The following KHDRBS3 variants were observed in gnomAD, a reference collection of about 807,000 sequenced individuals.
KHDRBS3 encodes the protein KH domain-containing, RNA-binding, signal transduction-associated protein 3.
A neutral mutation model predicts 45.6 loss-of-function variants in KHDRBS3; 23 were observed. That is an observed-to-expected ratio of 0.50 (90% CI 0.36 to 0.72). KHDRBS3 has a LOEUF of 0.72. KHDRBS3 is among the 30% of genes least tolerant of loss of function. The probability of loss-of-function intolerance (pLI) is 0.00; values close to 1 mark genes in which losing one functional copy is unlikely to be tolerated. For synonymous variants in KHDRBS3, 162 were observed against 156.5 expected, an observed-to-expected ratio of 1.04 and a Z score of -0.26; for missense variants, 352 against 424.8, an observed-to-expected ratio of 0.83 and a Z score of 1.51.
At chr8:135,489,901 G>T (rs756837399) in intron 1 of KHDRBS3, among the ~76,000 whole-genome samples, 28 of 152,132 alleles carry the variant, frequency 1.8e-4, no homozygotes, top group Non-Finnish European at 2.8e-4. Flanking sequence ...AGCAACTTCC[G>T]CTCCTACAAG....
At chr8:135,652,487 C>A (rs1458170649), downstream of KHDRBS3, among the ~76,000 whole-genome samples, 1 of 152,266 alleles carries the variant, frequency 6.6e-6, no homozygotes, top group Non-Finnish European at 1.5e-5. Context: ...ACAGCATGCT[C>A]TGACCCCAGC....
At chr8:135,618,064 GTTGTGGATCATATTTTTCCC>G (rs964513118) in intron 7 of KHDRBS3, among the ~76,000 whole-genome samples, 1 of 152,152 alleles carries the variant, frequency 6.6e-6, no homozygotes, top group African/African-American at 2.4e-5. Context: ...ATTCAGACAT[GTTGTGGATCATATTTTTCCC>G]TTGTATTTGT....
chr8:135,599,899 A>G (rs1002285357), intron 6 of KHDRBS3, among the ~76,000 whole-genome samples: 1 of 152,034 alleles, frequency 6.6e-6, no homozygotes, highest in African/African-American at 2.4e-5. Flanking sequence ...GCTGAAGCAC[A>G]CAGCACCAAG....
At chr8:135,503,121 G>C (rs1823815643) in intron 1 of KHDRBS3, among the ~76,000 whole-genome samples, 1 of 152,186 alleles carries the variant, frequency 6.6e-6, no homozygotes, top group African/African-American at 2.4e-5. Context: ...CTGCACATCT[G>C]TGGTATGACT....
rs188373608 is a variant in KHDRBS3 at position 135,489,592 on chromosome 8, C to T, written c.88+31638C>T. Among the ~76,000 whole-genome samples the T allele has an allele frequency of 4.0e-3, 603 of 152,138 alleles. 7 individuals are homozygous for T. The highest frequency in any genetic ancestry group is 0.013 in the African/African-American group (552 of 41,514). ...ACTCAGGAGGCTGAGGCAGGAGAAT[C>T]GCTTGAACTCAAAAGGTAGAGGTTG... is the stretch of plus-strand genomic sequence containing the variant. On this transcript the variant is annotated intron_variant, in intron 1 of 8. Transcript: ENST00000355849.
At chr8:135,601,415 TATAAC>T (rs1393742176) in intron 6 of KHDRBS3, among the ~76,000 whole-genome samples, 2 of 152,166 alleles carry the variant, frequency 1.3e-5, no homozygotes, top group African/African-American at 4.8e-5. Context: ...ACTCAGAAGT[TATAAC>T]AGAATTGGAA....
At chr8:135,610,716 CA>C (rs1174028893) in intron 7 of KHDRBS3, among the ~76,000 whole-genome samples, 1 of 151,822 alleles carries the variant, frequency 6.6e-6, no homozygotes, top group Non-Finnish European at 1.5e-5. Context: ...AAGTAGTAGT[CA>C]CCAGGTGACA....
intron 1 of KHDRBS3, among the ~76,000 whole-genome samples, chr8:135,492,093 C>T (rs1208178371): frequency 6.6e-6 from 1 of 151,792 alleles, no homozygotes; most frequent in Non-Finnish European, 1.5e-5. Flanking sequence ...TTGTGGATAC[C>T]ATAGTACTAG....
chr8:135,588,312 A>G (rs1310527656), intron 6 of KHDRBS3, among the ~76,000 whole-genome samples: 2 of 152,196 alleles, frequency 1.3e-5, no homozygotes, highest in Non-Finnish European at 2.9e-5. Context: ...GAAGAGACAC[A>G]TAGGGCAAGG....
intron 1 of KHDRBS3, among the ~76,000 whole-genome samples, chr8:135,513,303 C>G (rs1824400743): frequency 6.6e-6 from 1 of 152,156 alleles, no homozygotes; most frequent in African/African-American, 2.4e-5. Flanking sequence ...AACTTACTGT[C>G]TAGTATAGGC....
At chr8:135,621,315 C>A (rs776131892) in intron 7 of KHDRBS3, among the ~76,000 whole-genome samples, 1 of 152,186 alleles carries the variant, frequency 6.6e-6, no homozygotes, top group Non-Finnish European at 1.5e-5. Context: ...ATGTGTAAAG[C>A]ACTTTGCACA....
chr8:135,643,880 G>C (rs1831173421), intron 7 of KHDRBS3, among the ~76,000 whole-genome samples: 1 of 152,216 alleles, frequency 6.6e-6, no homozygotes, highest in Admixed American at 6.5e-5. Flanking sequence ...TCAGCGGCTG[G>C]TGTTCAGTAG....
At chr8:135,519,218 G>A (rs187678816) in intron 1 of KHDRBS3, among the ~76,000 whole-genome samples, 224 of 151,782 alleles carry the variant, frequency 1.5e-3, no homozygotes, top group Non-Finnish European at 2.1e-3. Flanking sequence ...CCATCTCATC[G>A]CTCTTAATCC....
chr8:135,619,206 T>TA (rs1194238150), intron 7 of KHDRBS3, among the ~76,000 whole-genome samples: 3 of 152,360 alleles, frequency 2.0e-5, no homozygotes, highest in African/African-American at 7.2e-5. Flanking sequence ...ATTTCCTTTA[T>TA]CTATCATTTA....
chr8:135,559,496 G>A (rs976177433), intron 5 of KHDRBS3, among the ~76,000 whole-genome samples: 2 of 152,050 alleles, frequency 1.3e-5, no homozygotes, highest in African/African-American at 4.8e-5. Flanking sequence ...GGGATTACAG[G>A]CACCTGCCAC....
chr8:135,653,349 A>T (rs1831468345), intron 4 of KHDRBS3, among the ~76,000 whole-genome samples: 1 of 152,198 alleles, frequency 6.6e-6, no homozygotes, highest in Non-Finnish European at 1.5e-5. Context: ...TGAGGAACGA[A>T]TGAGTGAACA....
At chr8:135,636,962 G>A (rs764511056) in intron 7 of KHDRBS3, among the ~76,000 whole-genome samples, 2 of 152,212 alleles carry the variant, frequency 1.3e-5, no homozygotes, top group African/African-American at 2.4e-5. Flanking sequence ...GACAGTAGTC[G>A]TAGCAGTGGC....
intron 2 of KHDRBS3, chr8:135,541,953 G>T (rs1245184126): frequency 6.6e-6 from 1 of 152,146 alleles, no homozygotes; most frequent in African/African-American, 2.4e-5. Flanking sequence ...GTATAGACAG[G>T]TTAGGTAACT....
In KHDRBS3 at chr8:135,500,601, G is replaced by C. The variant is rs537909492; in HGVS notation, c.89-20636G>C. On this transcript the variant is annotated intron_variant, in intron 1 of 8. Coordinates refer to ENST00000355849, the MANE Select transcript of KHDRBS3 (RefSeq NM_006558.3). ...CAGGGAGCTCTGAAGATACTTCCTAGAAGAAATGAAAAATAAAGCTCAGAA... is the reference window on the plus strand; with the variant it reads ...CAGGGAGCTCTGAAGATACTTCCTACAAGAAATGAAAAATAAAGCTCAGAA... Among the ~76,000 whole-genome samples, 3 of 152,278 alleles carry C rather than the reference G, an allele frequency of 2.0e-5. No homozygotes were observed. In the East Asian group the frequency reaches 5.8e-4, roughly 29 times the overall value.
Sources: gnomAD v4.1 joint callset for allele counts (sites outside exome capture counted in the v4.1 genomes callset) on GRCh38, gnomAD v4.1.1 for gene constraint, MANE v1.5 for transcripts, NCBI Gene and HGNC (gene_info 2026-07-23, HGNC 2026-07-21) for gene names.